SCAMP4: variants seen among roughly 807,000 people sequenced by gnomAD.
SCAMP4 encodes the protein secretory carrier membrane protein 4.
Under a neutral mutation model 32.1 loss-of-function variants are expected in SCAMP4, and 19 were observed. The ratio of observed to expected loss-of-function variants is 0.59; its 90% CI spans 0.41 to 0.87. SCAMP4 has a LOEUF of 0.87. SCAMP4 is among the 40% of genes least tolerant of loss of function. The probability of loss-of-function intolerance (pLI) is 0.00; values close to 1 mark genes in which losing one functional copy is unlikely to be tolerated. For synonymous variants in SCAMP4, 152 were observed against 132.7 expected (o/e 1.15, Z -1.00); for missense variants, 302 against 309.0 (o/e 0.98, Z 0.17).
rs972504872 is a variant in SCAMP4, at chr19:1,924,359, T to G, written c.*75T>G. ...TGCTGCTACCCCTGGTCCCGAGGGC[T>G]GGGAGTACCTGGGGCCCCATCCCCC... On this transcript the variant is annotated 3_prime_UTR_variant, in exon 7 of 7. Coordinates refer to ENST00000316097, the MANE Select transcript of SCAMP4 (RefSeq NM_079834.4). 5.7e-6 allele frequency: 8 copies of G among 1,412,232 alleles called. No homozygotes were observed. The African/African-American group carries it at 1.1e-4, about 20-fold the overall frequency. The allele number at this position is 1,412,232 out of a possible 1,614,324, so 87.5% of individuals were successfully genotyped here. A position where few individuals can be genotyped will look rare whatever the true frequency, so the allele number is the denominator to read the frequency against.
chr19:1,910,749 G>A (rs1230721393), intron 1 of SCAMP4, among the ~76,000 whole-genome samples: 3 of 150,214 alleles, frequency 2.0e-5, no homozygotes, highest in Non-Finnish European at 4.4e-5. Context: ...GCTAATTTTT[G>A]TATTTTTAGT....
At position 1,912,901 on chromosome 19, in the gene SCAMP4, A is replaced by C. The variant is rs146212621; in HGVS notation, c.-41-2078A>C. The C allele has an allele frequency of 4.8e-4, 767 of 1,608,514 alleles. 5 individuals carry two copies. In the African/African-American group the frequency reaches 8.4e-3, roughly 18 times the overall value. ...CGCGCAGGCGCCGTGCGTAAACTGG[A>C]CGCAGACGAGGACGGCCTCCCCTAC... On this transcript the variant is annotated intron_variant, in intron 1 of 6. Transcript: ENST00000316097.
intron 5 of SCAMP4, chr19:1,919,430 C>CT: frequency 2.0e-6 from 2 of 985,096 alleles, no homozygotes; most frequent in Non-Finnish European, 2.4e-6. Context: ...CAGTCACTCT[C>CT]TAAGGCTGCC....
intron 1 of SCAMP4, chr19:1,913,013 C>G (rs371608602): frequency 3.7e-6 from 6 of 1,606,780 alleles, no homozygotes; most frequent in African/African-American, 1.3e-5. Context: ...TCCTGCGCGT[C>G]TTCTACGGTG....
rs976384007 is a variant in SCAMP4, at chr19:1,918,203, C to T, written c.213C>T (p.Phe71=). Residue 71 remains phenylalanine (F), a synonymous_variant, in exon 4 of 7, where the codon TTC becomes TTT. Coordinates refer to ENST00000316097, the MANE Select transcript of SCAMP4 (RefSeq NM_079834.4). ...WWIGGGSGTN[F]GLAFVWLLLF... ...TCGGCGGAGGCTCGGGGACCAACTT[C>T]GGCCTGGCCTTCGTGTGGCTGCTCC... 1.9e-6 allele frequency: 3 copies of T among 1,612,228 alleles called. No homozygotes were observed. In the African/African-American group the frequency reaches 4.0e-5, roughly 22 times the overall value.
At chr19:1,910,494 A>G (rs1362894892) in intron 1 of SCAMP4, among the ~76,000 whole-genome samples, 3 of 151,006 alleles carry the variant, frequency 2.0e-5, no homozygotes, top group South Asian at 2.1e-4. Flanking sequence ...CTGGAATTTT[A>G]TAGTGGTGAT....
intron 1 of SCAMP4, chr19:1,912,611 C>T: frequency 1.4e-6 from 2 of 1,477,474 alleles, no homozygotes; most frequent in Non-Finnish European, 1.8e-6. Flanking sequence ...AGCGCGCCGC[C>T]ATGCAGAGCC....
chr19:1,912,341 C>T (rs1043158025), intron 1 of SCAMP4: 1 of 1,533,818 alleles, frequency 6.5e-7, no homozygotes. Context: ...GGCCCAGCCG[C>T]GATGCCGGCA....
rs1480233468 is a variant in SCAMP4 at position 1,908,568 on chromosome 19, C to T, written c.-42+3129C>T. Reference sequence around the variant, plus strand: ...CACCCGGCTGGAGTCATTTTAAGATCATCTGCGGCTTAGCCCCAGCACCAT... The same window carrying T: ...CACCCGGCTGGAGTCATTTTAAGATTATCTGCGGCTTAGCCCCAGCACCAT... On this transcript the variant is annotated intron_variant, in intron 1 of 6. Coordinates refer to ENST00000316097, the MANE Select transcript of SCAMP4 (RefSeq NM_079834.4). This position sits in a 1 kb window ranked among gnomAD's most constrained non-coding sequence, Gnocchi z 4.2. The T allele has an allele frequency of 2.1e-6, 1 of 471,178 alleles. No individual in the cohort carries two copies. Among genetic ancestry groups the T allele is most frequent in the Non-Finnish European group, 4.4e-6 (1 of 227,046 alleles). 29.2% of individuals were successfully genotyped at this position (471,178 alleles called of 1,614,324 possible). A position where few individuals can be genotyped will look rare whatever the true frequency, so the allele number is the denominator to read the frequency against.
chr19:1,906,523 A>C (rs2013121843), intron 1 of SCAMP4: 1 of 152,150 alleles, frequency 6.6e-6, no homozygotes, highest in Non-Finnish European at 1.5e-5. Context: ...TGGGCAACAG[A>C]GCGAGACCCT....
At chr19:1,914,359 C>T (rs1051864900) in intron 1 of SCAMP4, among the ~76,000 whole-genome samples, 1 of 152,040 alleles carries the variant, frequency 6.6e-6, no homozygotes, top group Admixed American at 6.5e-5. Context: ...GCTCCTGGCC[C>T]CGTGCCCGCC....
Position 1,915,865 on chromosome 19 carries a change from G to C in SCAMP4, c.7+839G>C, listed in dbSNP as rs945721365. On this transcript the variant is annotated intron_variant, in intron 2 of 6. Coordinates refer to ENST00000316097, the MANE Select transcript of SCAMP4 (RefSeq NM_079834.4). ...AGAGGCTGAGGCAGGAGAATGGTGT[G>C]AACCCGGGAGGCGGAGCTTGCAGTG... Among the ~76,000 whole-genome samples the C allele has an allele frequency of 1.5e-4, 23 of 151,468 alleles. No homozygotes were observed. In the Admixed American group the frequency reaches 1.5e-3, roughly 10 times the overall value.
At chr19:1,911,987 T>C (rs1170545118) in intron 1 of SCAMP4, 2 of 1,411,572 alleles carry the variant, frequency 1.4e-6, no homozygotes, top group African/African-American at 3.0e-5. Context: ...CCCTGCCTTG[T>C]GGAGCCACGG....
At chr19:1,921,904 C>T in intron 5 of SCAMP4, 1 of 985,442 alleles carries the variant, frequency 1.0e-6, no homozygotes, top group Non-Finnish European at 1.2e-6. Flanking sequence ...CAGGACAGGC[C>T]AGCATCTTGC....
rs1297557211 is a variant in SCAMP4 at position 1,923,900 on chromosome 19, CA to C, written c.514-207del. ...TCGGCCTCCCGAAGTGCTGGGATGA[CA>C]GGCGTGAGCCACCGTGCCCGGCCTA... is the stretch of plus-strand genomic sequence containing the variant. On this transcript the variant is annotated intron_variant, in intron 6 of 6. Transcript: ENST00000316097. Among the ~76,000 whole-genome samples, 9 of 116,206 alleles carry C rather than the reference CA, an allele frequency of 7.7e-5. 1 individual carries two copies. Among genetic ancestry groups the C allele is most frequent in the South Asian group, 3.1e-4 (1 of 3,238 alleles). 76.2% of individuals were successfully genotyped at this position (116,206 alleles called of 152,430 possible).
intron 1 of SCAMP4, chr19:1,912,311 GCCTCA>G: frequency 6.4e-7 from 1 of 1,558,500 alleles, no homozygotes; most frequent in Non-Finnish European, 8.6e-7. Context: ...TCCCCGCCCA[GCCTCA>G]CCTCAAGCGG....
Position 1,922,709 on chromosome 19 carries a change from G to A in SCAMP4, c.396-361G>A, listed in dbSNP as rs1331203597. On this transcript the variant is annotated intron_variant, in intron 5 of 6. Transcript: ENST00000316097. ...AGTGGGGCCTTTGAGTCTTTCCATG[G>A]CTGGTGCCCGCCGGACTCACTGAGG... 3.0e-6 allele frequency: 3 copies of A among 996,756 alleles called. No homozygotes were observed. The East Asian group carries it at 3.2e-4, about 105-fold the overall frequency. The allele number at this position is 996,756 out of a possible 1,614,324, so 61.7% of individuals were successfully genotyped here.
Position 1,908,622 on chromosome 19 carries a change from C to T in SCAMP4, c.-42+3183C>T, listed in dbSNP as rs1335583288. ...AGGCAGTACTGTCTGCTAGAAATAA[C>T]TGTGAGCACACAGGTAGTAAGGTTT... On this transcript the variant is annotated intron_variant, in intron 1 of 6. Transcript: ENST00000316097. This position sits in a 1 kb window ranked among gnomAD's most constrained non-coding sequence, Gnocchi z 4.2. 2.1e-6 allele frequency: 1 copy of T among 469,806 alleles called. No individual in the cohort carries two copies. Among genetic ancestry groups the T allele is most frequent in the African/African-American group, 2.0e-5 (1 of 50,054 alleles). 29.1% of individuals were successfully genotyped at this position (469,806 alleles called of 1,614,324 possible).
At chr19:1,912,766 C>T (rs1212965737) in intron 1 of SCAMP4, 2 of 1,560,736 alleles carry the variant, frequency 1.3e-6, no homozygotes, top group Non-Finnish European at 1.7e-6. Context: ...CTCCTGCACG[C>T]CGTCATGGTG....
Sources: allele counts gnomAD v4.1 joint callset (sites outside exome capture counted in the v4.1 genomes callset), GRCh38; gene constraint gnomAD v4.1.1; non-coding constraint Gnocchi (gnomAD v3.1); transcripts MANE v1.5; gene names NCBI Gene and HGNC (gene_info 2026-07-23, HGNC 2026-07-21).